Variants in RAB27B observed in about 807,000 individuals in gnomAD.
RAB27B encodes the protein RAB27B, member RAS oncogene family, also known as ras-related protein Rab-27B.
RAB27B carries 15 observed loss-of-function variants against 24.6 expected under a neutral mutation model. That is an observed-to-expected ratio of 0.61 (90% CI 0.41 to 0.94). The LOEUF (loss-of-function observed/expected upper bound fraction) is 0.94, where lower values mean the gene tolerates loss of function less well. RAB27B is among the 40% of genes least tolerant of loss of function. RAB27B has a pLI of 0.00. For missense variants in RAB27B, 261 were observed against 266.8 expected (o/e 0.98, Z 0.15); for synonymous variants, 105 against 92.5 (o/e 1.14, Z -0.78).
intron 2 of RAB27B, among the ~76,000 whole-genome samples, chr18:54,726,117 A>G (rs537430347): frequency 9.2e-5 from 14 of 151,662 alleles, no homozygotes; most frequent in African/African-American, 2.9e-4. Context: ...TATACTATAA[A>G]TCTACTTTTT....
chr18:54,838,792 A>G (rs1260743249), intron 1 of RAB27B, among the ~76,000 whole-genome samples: 1 of 152,118 alleles, frequency 6.6e-6, no homozygotes, highest in Non-Finnish European at 1.5e-5. Flanking sequence ...TGTGGTCTTT[A>G]ATTTTTTTTC....
At chr18:54,814,498 C>T (rs62094572) in intron 2 of RAB27B, among the ~76,000 whole-genome samples, 66,694 of 151,900 alleles carry the variant, frequency 0.44, 16,319 homozygotes, top group Middle Eastern at 0.64. Flanking sequence ...AAAATTAAAT[C>T]CCAAATAGTG....
chr18:54,862,302 T>C (rs1044417331), intron 1 of RAB27B, among the ~76,000 whole-genome samples: 55 of 152,144 alleles, frequency 3.6e-4, no homozygotes, highest in African/African-American at 1.2e-3. Flanking sequence ...CAAAATCGAA[T>C]GTAGTGGGGA....
chr18:54,839,746 G>A (rs1417519102), intron 1 of RAB27B, among the ~76,000 whole-genome samples: 1 of 152,088 alleles, frequency 6.6e-6, no homozygotes, highest in African/African-American at 2.4e-5. Context: ...GTATCTGTTT[G>A]CTTTTTTAGC....
chr18:54,860,666 AACATAAGAGTTAAGAAT>A (rs1454029713), intron 1 of RAB27B, among the ~76,000 whole-genome samples: 1 of 152,234 alleles, frequency 6.6e-6, no homozygotes, highest in Admixed American at 6.5e-5. Flanking sequence ...TTTCCCCAAT[AACATAAGAGTTAAGAAT>A]CATATGTAAT....
intron 2 of RAB27B, among the ~76,000 whole-genome samples, chr18:54,748,790 A>G (rs540737463): frequency 1.2e-4 from 18 of 152,362 alleles, no homozygotes; most frequent in African/African-American, 4.3e-4. Flanking sequence ...AAAAAGGTAT[A>G]CAGCATTTAT....
chr18:54,842,895 T>G (rs1911171530), intron 1 of RAB27B, among the ~76,000 whole-genome samples: 1 of 152,064 alleles, frequency 6.6e-6, no homozygotes, highest in South Asian at 2.1e-4. Context: ...CCCGGGTTCA[T>G]GCCATTCTCC....
intron 1 of RAB27B, among the ~76,000 whole-genome samples, chr18:54,863,454 T>C (rs1912086094): frequency 6.6e-6 from 1 of 152,160 alleles, no homozygotes; most frequent in South Asian, 2.1e-4. Context: ...GCCTGAATAA[T>C]TATTGTAAGA....
At chr18:54,736,550 T>G (rs1453437977) in intron 2 of RAB27B, among the ~76,000 whole-genome samples, 1 of 151,940 alleles carries the variant, frequency 6.6e-6, no homozygotes, top group Non-Finnish European at 1.5e-5. Flanking sequence ...ATCTGGAGGG[T>G]GCAGACTGAT....
At chr18:54,781,342 A>T (rs925445827) in intron 2 of RAB27B, among the ~76,000 whole-genome samples, 6 of 151,868 alleles carry the variant, frequency 4.0e-5, no homozygotes, top group African/African-American at 1.5e-4. Flanking sequence ...AGGAGAATGG[A>T]GCCTATCTCT....
chr18:54,887,425 G>A (rs4801108), intron 4 of RAB27B, among the ~76,000 whole-genome samples: 148,018 of 152,118 alleles, frequency 0.97, 72,163 homozygotes, highest in East Asian at 1. Context: ...TAGAAGATAT[G>A]CTGTATTATT....
At chr18:54,837,383 G>A (rs2145194469) in intron 1 of RAB27B, among the ~76,000 whole-genome samples, 1 of 152,174 alleles carries the variant, frequency 6.6e-6, no homozygotes, top group African/African-American at 2.4e-5. Flanking sequence ...ATTTCTGGCT[G>A]TACTAAGGCA....
chr18:54,738,963 C>T (rs1193903381), intron 2 of RAB27B, among the ~76,000 whole-genome samples: 1 of 152,118 alleles, frequency 6.6e-6, no homozygotes, highest in Admixed American at 6.6e-5. Flanking sequence ...TTGCAGTCAA[C>T]CCTAGCCTTG....
At chr18:54,841,213 A>G (rs1298798649) in intron 1 of RAB27B, among the ~76,000 whole-genome samples, 3 of 138,114 alleles carry the variant, frequency 2.2e-5, no homozygotes, top group Middle Eastern at 3.8e-3. Context: ...CTCCCCATCC[A>G]TGGGTTCATT....
At chr18:54,843,216 G>A (rs758732092) in intron 1 of RAB27B, among the ~76,000 whole-genome samples, 1 of 152,132 alleles carries the variant, frequency 6.6e-6, no homozygotes, top group African/African-American at 2.4e-5. Context: ...AACCTGCATG[G>A]AATTTTTAGT....
In RAB27B at chr18:54,889,295, TA is replaced by T; in HGVS notation, c.541del (p.Ile181SerfsTer2). 1 of 1,613,472 alleles carries T rather than the reference TA, an allele frequency of 6.2e-7. No individual in the cohort carries two copies. ...VEKAVETLLDLIMKRMEQCVE... is the reference protein window; with the variant it reads ...VEKAVETLLDXIMKRMEQCVE... ...AAAGCTGTAGAAACCCTTTTGGACTTAATCATGAAGCGAATGGAACAGTGTG... is the reference window on the plus strand; with the variant it reads ...AAAGCTGTAGAAACCCTTTTGGACTTATCATGAAGCGAATGGAACAGTGTG... On this transcript the variant is annotated frameshift_variant, in exon 6 of 6. Coordinates refer to ENST00000262094, the MANE Select transcript of RAB27B (RefSeq NM_004163.4). LOFTEE classifies it high-confidence loss of function.
chr18:54,724,137 A>C (rs1909452989), intron 2 of RAB27B, among the ~76,000 whole-genome samples: 2 of 151,642 alleles, frequency 1.3e-5, no homozygotes, highest in Non-Finnish European at 2.9e-5. Context: ...GTTGGATGTC[A>C]AAATAAAGGT....
intron 2 of RAB27B, among the ~76,000 whole-genome samples, chr18:54,755,499 C>A (rs1173365899): frequency 1.3e-5 from 2 of 152,154 alleles, no homozygotes; most frequent in Non-Finnish European, 2.9e-5. Flanking sequence ...CTCTAGAATT[C>A]TTCTCCTATG....
rs1026350843 is a variant in RAB27B at position 54,893,550 on chromosome 18, A to G, written c.*4137A>G. ...TATATTTTCTTCTGGATCTTTGACCAAGGTGATGTCAGCTTATTTCTGGGG... is the reference window on the plus strand; with the variant it reads ...TATATTTTCTTCTGGATCTTTGACCGAGGTGATGTCAGCTTATTTCTGGGG... On this transcript the variant is annotated 3_prime_UTR_variant, in exon 6 of 6. Transcript: ENST00000262094. 4 of 152,040 alleles carry G rather than the reference A, an allele frequency of 2.6e-5. No individual in the cohort carries two copies. Among genetic ancestry groups the G allele is most frequent in the Non-Finnish European group, 5.9e-5 (4 of 67,956 alleles). The allele number at this position is 152,040 out of a possible 1,614,324, so 9.4% of individuals were successfully genotyped here.
Sources: allele counts gnomAD v4.1 joint callset (sites outside exome capture counted in the v4.1 genomes callset), GRCh38; gene constraint gnomAD v4.1.1; transcripts MANE v1.5; gene names NCBI Gene and HGNC (gene_info 2026-07-23, HGNC 2026-07-21).